The following PTGES3 variants were observed in gnomAD, a reference collection of about 807,000 sequenced individuals.
PTGES3 encodes the protein prostaglandin E synthase 3.
Under a neutral mutation model 29.9 loss-of-function variants are expected in PTGES3, and 5 were observed. That is an observed-to-expected ratio of 0.17 (90% confidence interval 0.09 to 0.35). The LOEUF (loss-of-function observed/expected upper bound fraction) is 0.35, where lower values mean the gene tolerates loss of function less well. Among genes scored for constraint, PTGES3 ranks in the 10% least tolerant of loss-of-function variants. The probability of loss-of-function intolerance (pLI) is 1.00; values close to 1 mark genes in which losing one functional copy is unlikely to be tolerated. For synonymous variants in PTGES3, 49 were observed against 57.8 expected (o/e 0.85, Z 0.69); for missense variants, 128 against 190.0 (o/e 0.67, Z 1.92).
At chr12:56,681,696 A>T (rs1178560463) in intron 1 of PTGES3, among the ~76,000 whole-genome samples, 1 of 151,590 alleles carries the variant, frequency 6.6e-6, no homozygotes, top group Non-Finnish European at 1.5e-5. Flanking sequence ...TAAAAAAAAA[A>T]ATACAAAAAT....
chr12:56,678,332 C>G (rs1052180504), intron 1 of PTGES3, among the ~76,000 whole-genome samples: 4 of 152,054 alleles, frequency 2.6e-5, no homozygotes, highest in East Asian at 1.9e-4. Flanking sequence ...CGCCCGCCAC[C>G]AAGCCTGGCT....
At position 56,677,803 on chromosome 12, in the gene PTGES3, A is replaced by T. The variant is rs1952327358; in HGVS notation, c.3-4738T>A. 2.0e-5 allele frequency among the ~76,000 whole-genome samples: 3 copies of T among 152,084 alleles called. No individual in the cohort carries two copies. The South Asian group carries it at 6.2e-4, about 32-fold the overall frequency. On this transcript the variant is annotated intron_variant, in intron 1 of 7. Coordinates refer to ENST00000262033, the MANE Select transcript of PTGES3 (RefSeq NM_006601.7). Reference sequence around the variant, plus strand: ...TGAAACTGAACAACCTGAAACTAATAGTTTGCTTAGTGTCTTGGCTTATGT... The same window carrying T: ...TGAAACTGAACAACCTGAAACTAATTGTTTGCTTAGTGTCTTGGCTTATGT...
intron 1 of PTGES3, 154 bp downstream of exon 1, chr12:56,687,844 C>G: frequency 6.7e-7 from 1 of 1,490,690 alleles, no homozygotes; most frequent in Non-Finnish European, 8.9e-7. Flanking sequence ...CACCCGCCAA[C>G]GGTAACCGGA....
rs1351253079 is a variant in PTGES3, at chr12:56,688,134, G to C, written c.-135C>G. ...CGCGGCCTCTTCTCGCTTCCCTCAGGCGACGGCGGCAGCGGCGGGCTCGAC... is the reference window on the plus strand; with the variant it reads ...CGCGGCCTCTTCTCGCTTCCCTCAGCCGACGGCGGCAGCGGCGGGCTCGAC... On this transcript the variant is annotated 5_prime_UTR_variant, in exon 1 of 8. Transcript: ENST00000262033. 2.2e-5 allele frequency: 31 copies of C among 1,396,226 alleles called. No individual in the cohort carries two copies. Among genetic ancestry groups the C allele is most frequent in the Non-Finnish European group, 2.7e-5 (29 of 1,076,428 alleles). 86.5% of individuals were successfully genotyped at this position (1,396,226 alleles called of 1,614,324 possible). A position where few individuals can be genotyped will look rare whatever the true frequency, so the allele number is the denominator to read the frequency against.
At chr12:56,669,007 ATTT>A (rs577249197) in intron 5 of PTGES3, among the ~76,000 whole-genome samples, 18 of 97,074 alleles carry the variant, frequency 1.9e-4, no homozygotes, top group South Asian at 1.1e-3. Context: ...TTCACCATGA[ATTT>A]TTTTTTTTTT....
rs183016049 is a variant in PTGES3, at chr12:56,686,725, G to A, written c.2+1273C>T. Reference sequence around the variant, plus strand: ...GATTACGTATCACTTTCGGGGAGGGGGCTCCTTCAAAAATTCTAACATGCT... The same window carrying A: ...GATTACGTATCACTTTCGGGGAGGGAGCTCCTTCAAAAATTCTAACATGCT... On this transcript the variant is annotated intron_variant, in intron 1 of 7. Transcript: ENST00000262033. 553 of 394,522 alleles carry A rather than the reference G, an allele frequency of 1.4e-3. 14 individuals are homozygous for A. The Admixed American group carries it at 0.023, about 16-fold the overall frequency. The allele number at this position is 394,522 out of a possible 1,614,324, so 24.4% of individuals were successfully genotyped here.
intron 4 of PTGES3, 105 bp from the exon 5 acceptor site, chr12:56,670,469 G>T: frequency 1.2e-6 from 1 of 800,548 alleles, no homozygotes; most frequent in Non-Finnish European, 2.1e-6. Flanking sequence ...GTCTTGCTAT[G>T]TTGCCCAGGC....
At chr12:56,683,815 C>T (rs1320123092) in intron 1 of PTGES3, among the ~76,000 whole-genome samples, 1 of 150,994 alleles carries the variant, frequency 6.6e-6, no homozygotes, top group Non-Finnish European at 1.5e-5. Flanking sequence ...AAAAATTAGC[C>T]GGGCGAGGTG....
At chr12:56,678,661 A>T (rs1039426910) in intron 1 of PTGES3, among the ~76,000 whole-genome samples, 1 of 152,220 alleles carries the variant, frequency 6.6e-6, no homozygotes, top group African/African-American at 2.4e-5. Context: ...ATACTAACAT[A>T]TTAAAATTAT....
chr12:56,684,840 CTT>C (rs1952748062), intron 1 of PTGES3, among the ~76,000 whole-genome samples: 1 of 152,116 alleles, frequency 6.6e-6, no homozygotes, highest in Admixed American at 6.6e-5. Context: ...ACTTTTATAA[CTT>C]AGGATTTAAA....
intron 1 of PTGES3, 73 bp from the exon 2 acceptor site, chr12:56,673,138 C>T (rs1952074173): frequency 1.1e-6 from 1 of 945,396 alleles, no homozygotes; most frequent in African/African-American, 1.7e-5. Flanking sequence ...ACCTTCGACA[C>T]CATTATAGCA....
chr12:56,666,012 C>T (rs1262611892), intron 6 of PTGES3, 192 bp downstream of exon 6: 13 of 1,342,998 alleles, frequency 9.7e-6, no homozygotes, highest in Admixed American at 3.4e-5. Flanking sequence ...GAATGGTCTA[C>T]GGTACAACCA....
intron 1 of PTGES3, among the ~76,000 whole-genome samples, chr12:56,683,957 C>CAA (rs11386164): frequency 0.01 from 1,096 of 109,046 alleles, 16 homozygotes; most frequent in South Asian, 0.071. Context: ...AACTCCGTCT[C>CAA]AAAAAAAAAA....
At position 56,663,807 on chromosome 12, in the gene PTGES3, A is replaced by C. The variant is rs1951694615; in HGVS notation, c.*672T>G. On this transcript the variant is annotated 3_prime_UTR_variant, in exon 8 of 8. Coordinates refer to ENST00000262033, the MANE Select transcript of PTGES3 (RefSeq NM_006601.7). ...TAAATGTACAGACTCTCAAGCAACA[A>C]TGTACAGCTTTCTTCGTCCTCCATG... 1 of 152,686 alleles carries C rather than the reference A, an allele frequency of 6.5e-6. No individual in the cohort carries two copies. The highest frequency in any genetic ancestry group is 1.5e-5 in the Non-Finnish European group (1 of 68,064). 9.5% of individuals were successfully genotyped at this position (152,686 alleles called of 1,614,324 possible).
At chr12:56,684,755 G>A (rs770249607) in intron 1 of PTGES3, among the ~76,000 whole-genome samples, 1 of 152,156 alleles carries the variant, frequency 6.6e-6, no homozygotes, top group African/African-American at 2.4e-5. Context: ...TCTTAAGTGG[G>A]GGAAGGTCCT....
At chr12:56,681,793 C>G (rs1396629810) in intron 1 of PTGES3, among the ~76,000 whole-genome samples, 1 of 151,652 alleles carries the variant, frequency 6.6e-6, no homozygotes, top group Non-Finnish European at 1.5e-5. Flanking sequence ...GGAGGCAGAG[C>G]TTGCAGTGAG....
chr12:56,664,360 A>T lies in PTGES3; in HGVS notation c.*119T>A. The T allele has an allele frequency of 8.3e-7, 1 of 1,205,166 alleles. No individual in the cohort carries two copies. The highest frequency in any genetic ancestry group is 1.2e-6 in the Non-Finnish European group (1 of 841,122). 74.7% of individuals were successfully genotyped at this position (1,205,166 alleles called of 1,614,324 possible). On this transcript the variant is annotated 3_prime_UTR_variant, in exon 8 of 8. Transcript: ENST00000262033. Reference sequence around the variant, plus strand: ...AAACAAACAGGTTGAAAAATGGGTTAAAGTAGGCAAATACAGCATATCTGC... The same window carrying T: ...AAACAAACAGGTTGAAAAATGGGTTTAAGTAGGCAAATACAGCATATCTGC...
At chr12:56,675,882 C>CA (rs1952216286) in intron 1 of PTGES3, among the ~76,000 whole-genome samples, 1 of 152,002 alleles carries the variant, frequency 6.6e-6, no homozygotes, top group African/African-American at 2.4e-5. Flanking sequence ...CAGACCACGC[C>CA]ATTGCACTCC....
At chr12:56,664,843 G>C (rs747762242) in intron 6 of PTGES3, 43 bp from the exon 7 acceptor site, 1 of 1,590,522 alleles carries the variant, frequency 6.3e-7, no homozygotes, top group Admixed American at 1.9e-5. Flanking sequence ...TCAAATATTC[G>C]TTTGCTAACT....
Sources: gnomAD v4.1 joint callset for allele counts (sites outside exome capture counted in the v4.1 genomes callset) on GRCh38, gnomAD v4.1.1 for gene constraint, MANE v1.5 for transcripts, NCBI Gene and HGNC (gene_info 2026-07-23, HGNC 2026-07-21) for gene names.